Variants in PRKD1 observed in about 807,000 individuals in gnomAD.
PRKD1 encodes the protein serine/threonine-protein kinase D1.
PRKD1 carries 63 observed loss-of-function variants against 95.9 expected under a neutral mutation model. The observed-to-expected ratio is 0.66, with a 90% confidence interval of 0.54 to 0.81. The LOEUF (loss-of-function observed/expected upper bound fraction) is 0.81, where lower values mean the gene tolerates loss of function less well. PRKD1 is among the 30% of genes least tolerant of loss of function. The pLI, the probability that PRKD1 is intolerant of heterozygous loss-of-function variation, is 0.00. For synonymous variants in PRKD1, 425 were observed against 423.1 expected, an observed-to-expected ratio of 1.00 and a Z score of -0.05; for missense variants, 1,048 against 1,165.3, an observed-to-expected ratio of 0.90 and a Z score of 1.47.
intron 1 of PRKD1, among the ~76,000 whole-genome samples, chr14:29,812,978 C>G (rs1460565658): frequency 6.6e-6 from 1 of 152,030 alleles, no homozygotes; most frequent in African/African-American, 2.4e-5. Flanking sequence ...GGCATGGTGT[C>G]ACATGCCTGT....
chr14:29,689,339 C>T (rs1486660365), intron 2 of PRKD1, among the ~76,000 whole-genome samples: 1 of 151,750 alleles, frequency 6.6e-6, no homozygotes, highest in Non-Finnish European at 1.5e-5. Context: ...TTCAGGCAGC[C>T]AATAAACATT....
intron 13 of PRKD1, among the ~76,000 whole-genome samples, chr14:29,619,837 A>G (rs1709073015): frequency 6.6e-6 from 1 of 152,174 alleles, no homozygotes; most frequent in African/African-American, 2.4e-5. Flanking sequence ...AAGGACTTCA[A>G]AAGGGTTTCT....
intron 1 of PRKD1, among the ~76,000 whole-genome samples, chr14:29,878,574 T>A (rs961972877): frequency 6.6e-6 from 1 of 152,042 alleles, no homozygotes; most frequent in Non-Finnish European, 1.5e-5. Context: ...TATTCAACCA[T>A]AAAAAGGAAT....
At position 29,578,334 on chromosome 14, in the gene PRKD1, G is replaced by A; in HGVS notation, c.2461C>T (p.Gln821Ter). 1 of 1,610,256 alleles carries A rather than the reference G, an allele frequency of 6.2e-7. No individual in the cohort carries two copies. Among genetic ancestry groups the A allele is most frequent in the Non-Finnish European group, 8.5e-7 (1 of 1,178,436 alleles). Residue 821 changes from glutamine to a stop codon, truncating the protein, a stop_gained, in exon 17 of 18, where the codon CAA (glutamine) becomes TAA (stop). Coordinates refer to ENST00000331968, the MANE Select transcript of PRKD1 (RefSeq NM_002742.3). LOFTEE classifies it high-confidence loss of function. ...EAIDLINNLLQVKMRKRYSVD... is the reference protein window; with the variant it reads ...EAIDLINNLL ...CTGTAGCGCTTTCTCATTTTTACTT[G>A]CAGCAAATTGTTGATAAGATCAATG... is the stretch of plus-strand genomic sequence containing the variant.
chr14:29,690,944 T>C (rs1884197016), intron 2 of PRKD1, among the ~76,000 whole-genome samples: 1 of 152,166 alleles, frequency 6.6e-6, no homozygotes, highest in Non-Finnish European at 1.5e-5. Context: ...CATGTGCTTG[T>C]CTTTACCGTG....
At chr14:29,645,004 T>A (rs1881036129) in intron 4 of PRKD1, among the ~76,000 whole-genome samples, 1 of 152,146 alleles carries the variant, frequency 6.6e-6, no homozygotes, top group Non-Finnish European at 1.5e-5. Context: ...ATTAAATCAT[T>A]TTCCCAAGAT....
intron 4 of PRKD1, among the ~76,000 whole-genome samples, chr14:29,652,353 G>C (rs987531616): frequency 6.6e-6 from 1 of 152,092 alleles, no homozygotes; most frequent in East Asian, 1.9e-4. Context: ...CCTCCCAGCA[G>C]GGTTCATGAA....
At chr14:29,678,297 T>C (rs1883345191) in intron 2 of PRKD1, among the ~76,000 whole-genome samples, 1 of 152,196 alleles carries the variant, frequency 6.6e-6, no homozygotes, top group Admixed American at 6.5e-5. Context: ...TTAATGTCTC[T>C]ACATCTTGGT....
At chr14:29,746,531 TAC>T (rs143019466) in intron 1 of PRKD1, among the ~76,000 whole-genome samples, 2,365 of 149,188 alleles carry the variant, frequency 0.016, 28 homozygotes, top group Non-Finnish European at 0.024. Context: ...TGTACATATA[TAC>T]ACACACACAC....
chr14:29,881,658 A>G (rs1434401416), intron 1 of PRKD1, among the ~76,000 whole-genome samples: 1 of 151,942 alleles, frequency 6.6e-6, no homozygotes, highest in African/African-American at 2.4e-5. Context: ...TAATTTTTTC[A>G]TCAGGTTCCA....
At chr14:29,601,520 A>G (rs45561435) in intron 13 of PRKD1, among the ~76,000 whole-genome samples, 9,309 of 152,260 alleles carry the variant, frequency 0.061, 941 homozygotes, top group African/African-American at 0.21. Flanking sequence ...TTAACTGGTC[A>G]AGTCTGGCAA....
intron 2 of PRKD1, among the ~76,000 whole-genome samples, chr14:29,667,221 C>A (rs1339363940): frequency 2.0e-5 from 3 of 152,094 alleles, no homozygotes; most frequent in African/African-American, 7.2e-5. Flanking sequence ...ACCGGAGTGA[C>A]ATCTCAATAA....
intron 1 of PRKD1, among the ~76,000 whole-genome samples, chr14:29,747,045 G>A (rs753426411): frequency 1.8e-4 from 28 of 152,106 alleles, no homozygotes; most frequent in Non-Finnish European, 3.4e-4. Flanking sequence ...GCTTTAAAAC[G>A]TTATATTAAA....
intron 13 of PRKD1, among the ~76,000 whole-genome samples, chr14:29,600,602 T>C (rs1273831735): frequency 1.3e-5 from 2 of 152,148 alleles, no homozygotes; most frequent in Non-Finnish European, 2.9e-5. Context: ...GGACCAACTT[T>C]TCCTAGAGGG....
rs1466502474 is a variant in PRKD1, at chr14:29,621,368, T to TTCTTTCTCTCTCTCCCTC, written c.1905+2766_1905+2783dup. ...AATAATAATAATAAAAAGGGTTTCT[T>TTCTTTCTCTCTCTCCCTC]TCTTTCTCTCTCTCCCTCTCTTTCT... On this transcript the variant is annotated intron_variant, in intron 13 of 17. Transcript: ENST00000331968. 2.6e-5 allele frequency among the ~76,000 whole-genome samples: 4 copies of TTCTTTCTCTCTCTCCCTC among 151,942 alleles called. No homozygotes were observed. The South Asian group carries it at 8.3e-4, about 32-fold the overall frequency.
chr14:29,841,457 T>C (rs752672488), intron 1 of PRKD1, among the ~76,000 whole-genome samples: 10 of 152,176 alleles, frequency 6.6e-5, no homozygotes, highest in Non-Finnish European at 1.2e-4. Flanking sequence ...GGTTACTGAA[T>C]CATGAGGGTG....
At chr14:29,700,090 CTTT>C (rs35039906) in intron 2 of PRKD1, among the ~76,000 whole-genome samples, 1 of 148,236 alleles carries the variant, frequency 6.7e-6, no homozygotes, top group African/African-American at 2.5e-5. Flanking sequence ...CTTATCCCTT[CTTT>C]TTTTTTTTCC....
At chr14:29,716,111 T>G (rs1318784337) in intron 2 of PRKD1, among the ~76,000 whole-genome samples, 1 of 152,182 alleles carries the variant, frequency 6.6e-6, no homozygotes, top group Non-Finnish European at 1.5e-5. Context: ...AAGTCCCCTT[T>G]GTGTGGTTTT....
At chr14:29,628,568 C>CT (rs879776980) in intron 11 of PRKD1, among the ~76,000 whole-genome samples, 3 of 152,178 alleles carry the variant, frequency 2.0e-5, no homozygotes, top group Non-Finnish European at 4.4e-5. Context: ...ATTTATGCAA[C>CT]TTTCTTAAAG....
Sources: gnomAD v4.1 joint callset for allele counts (sites outside exome capture counted in the v4.1 genomes callset) on GRCh38, gnomAD v4.1.1 for gene constraint, MANE v1.5 for transcripts, NCBI Gene and HGNC (gene_info 2026-07-23, HGNC 2026-07-21) for gene names.